PPP1R12A: variants seen among roughly 807,000 people sequenced by gnomAD.
The protein encoded by PPP1R12A is protein phosphatase 1 regulatory subunit 12A.
Under a neutral mutation model 139.6 loss-of-function variants are expected in PPP1R12A, and 19 were observed. The ratio of observed to expected loss-of-function variants is 0.14; its 90% CI spans 0.09 to 0.20. The LOEUF (loss-of-function observed/expected upper bound fraction) is 0.20. PPP1R12A is among the 10% of genes least tolerant of loss of function. The probability of loss-of-function intolerance (pLI) is 1.00; values close to 1 mark genes in which losing one functional copy is unlikely to be tolerated. For synonymous variants in PPP1R12A, 427 were observed against 420.6 expected (o/e 1.02, Z -0.19); for missense variants, 925 against 1,211.5 (o/e 0.76, Z 3.51).
chr12:79,857,193 C>A (rs1375156543), intron 2 of PPP1R12A, among the ~76,000 whole-genome samples: 3 of 151,994 alleles, frequency 2.0e-5, no homozygotes, highest in Non-Finnish European at 2.9e-5. Context: ...AAATGTCCAA[C>A]AATGATAGAC....
intron 1 of PPP1R12A, among the ~76,000 whole-genome samples, chr12:79,917,483 CAAAAAAAA>C (rs59586178): frequency 1.3e-5 from 1 of 78,912 alleles, no homozygotes. Flanking sequence ...GACTCTGTCT[CAAAAAAAA>C]AAAAAAAAAA....
At chr12:79,891,752 G>C (rs900117361) in intron 1 of PPP1R12A, among the ~76,000 whole-genome samples, 27 of 152,128 alleles carry the variant, frequency 1.8e-4, no homozygotes, top group African/African-American at 6.5e-4. Context: ...CTCCTCTCTT[G>C]CTCTCTCCTG....
At chr12:79,792,151 T>C (rs1174638076) in intron 19 of PPP1R12A, among the ~76,000 whole-genome samples, 1 of 152,158 alleles carries the variant, frequency 6.6e-6, no homozygotes. Context: ...TCTGGACACA[T>C]AATATCTATG....
chr12:79,792,177 T>A (rs1871958697), intron 19 of PPP1R12A, among the ~76,000 whole-genome samples: 1 of 152,190 alleles, frequency 6.6e-6, no homozygotes, highest in Non-Finnish European at 1.5e-5. Flanking sequence ...ATAGAAAATA[T>A]TGATCTATGC....
At chr12:79,925,735 G>C (rs1296945411) in intron 1 of PPP1R12A, among the ~76,000 whole-genome samples, 1 of 152,106 alleles carries the variant, frequency 6.6e-6, no homozygotes, top group African/African-American at 2.4e-5. Flanking sequence ...GAACTCAAGC[G>C]TGTCTTTTTA....
At chr12:79,897,145 A>G (rs1427097296) in intron 1 of PPP1R12A, among the ~76,000 whole-genome samples, 3 of 152,246 alleles carry the variant, frequency 2.0e-5, no homozygotes, top group Non-Finnish European at 4.4e-5. Context: ...GTGCCCATTA[A>G]TGATGGACTG....
chr12:79,857,512 G>A (rs557365425), intron 2 of PPP1R12A, among the ~76,000 whole-genome samples: 49 of 151,974 alleles, frequency 3.2e-4, no homozygotes, highest in African/African-American at 1.1e-3. Flanking sequence ...GTTAATGCAT[G>A]TATACATATG....
chr12:79,793,263 C>T (rs1872116557), intron 19 of PPP1R12A, among the ~76,000 whole-genome samples: 2 of 152,130 alleles, frequency 1.3e-5, no homozygotes, highest in Admixed American at 1.3e-4. Context: ...GCTGGCTGTG[C>T]AGCCTTGTCA....
At chr12:79,808,019 G>A (rs1012506817) in intron 11 of PPP1R12A, among the ~76,000 whole-genome samples, 1 of 151,460 alleles carries the variant, frequency 6.6e-6, no homozygotes, top group Admixed American at 6.6e-5. Flanking sequence ...GTGGGTGACA[G>A]AGCGAGACTC....
At chr12:79,799,540 G>GT (rs1164261585) in intron 14 of PPP1R12A, among the ~76,000 whole-genome samples, 5 of 151,988 alleles carry the variant, frequency 3.3e-5, no homozygotes, top group Admixed American at 6.6e-5. Context: ...AAATTCCAGT[G>GT]TTTTTTTATA....
At chr12:79,823,456 C>T (rs1427648558) in intron 5 of PPP1R12A, among the ~76,000 whole-genome samples, 2 of 152,138 alleles carry the variant, frequency 1.3e-5, no homozygotes, top group Non-Finnish European at 2.9e-5. Context: ...TCTATACCAA[C>T]ATCAGGATGT....
chr12:79,890,229 C>A (rs1268197301), intron 1 of PPP1R12A, among the ~76,000 whole-genome samples: 2 of 151,984 alleles, frequency 1.3e-5, no homozygotes, highest in Admixed American at 1.3e-4. Flanking sequence ...ACAAAATAAG[C>A]ACGGTTGAAA....
intron 1 of PPP1R12A, among the ~76,000 whole-genome samples, chr12:79,885,224 T>TTG (rs1332452783): frequency 6.6e-6 from 1 of 152,164 alleles, no homozygotes; most frequent in Non-Finnish European, 1.5e-5. Context: ...AACTCCCATC[T>TTG]TGTGTGCCAC....
chr12:79,887,429 A>G (rs1884207729), intron 1 of PPP1R12A, among the ~76,000 whole-genome samples: 2 of 152,152 alleles, frequency 1.3e-5, no homozygotes, highest in African/African-American at 4.8e-5. Context: ...TGTCCACAGG[A>G]TGCCCAATTA....
chr12:79,923,846 C>T (rs993660112), intron 1 of PPP1R12A, among the ~76,000 whole-genome samples: 1 of 151,916 alleles, frequency 6.6e-6, no homozygotes, highest in African/African-American at 2.4e-5. Flanking sequence ...AGTTTGAGAC[C>T]GGTCTGGCCA....
rs775028265 is a variant in PPP1R12A at position 79,775,955 on chromosome 12, T to G, written c.3067A>C (p.Arg1023=). ...RLKDENGALI[R]VISKLSK ...TATTTGGAAAGTTTGCTTATAACTCTGATCAAGGCCCCATTTTCATCCTTT... is the reference window on the plus strand; with the variant it reads ...TATTTGGAAAGTTTGCTTATAACTCGGATCAAGGCCCCATTTTCATCCTTT... Residue 1023 remains arginine, a synonymous_variant, in exon 25 of 25, where the codon AGA becomes CGA. Transcript: ENST00000450142. 1 of 1,595,082 alleles carries G rather than the reference T, an allele frequency of 6.3e-7. No individual in the cohort carries two copies. Among genetic ancestry groups the G allele is most frequent in the East Asian group, 2.3e-5 (1 of 44,438 alleles).
intron 17 of PPP1R12A, among the ~76,000 whole-genome samples, chr12:79,796,049 A>G (rs1872472710): frequency 6.6e-6 from 1 of 152,176 alleles, no homozygotes; most frequent in South Asian, 2.1e-4. Flanking sequence ...GGCCTCACAC[A>G]TAGAAGTTTA....
intron 1 of PPP1R12A, among the ~76,000 whole-genome samples, chr12:79,933,141 C>T (rs1888374696): frequency 6.6e-6 from 1 of 152,140 alleles, no homozygotes; most frequent in Admixed American, 6.5e-5. Flanking sequence ...AAAAAGTTTG[C>T]TATGCATTAG....
At chr12:79,793,260 G>A (rs998596792) in intron 19 of PPP1R12A, among the ~76,000 whole-genome samples, 3 of 152,102 alleles carry the variant, frequency 2.0e-5, no homozygotes, top group Non-Finnish European at 2.9e-5. Context: ...CTTGCTGGCT[G>A]TGCAGCCTTG....
Sources: allele counts gnomAD v4.1 joint callset (sites outside exome capture counted in the v4.1 genomes callset), GRCh38; gene constraint gnomAD v4.1.1; transcripts MANE v1.5; gene names NCBI Gene and HGNC (gene_info 2026-07-23, HGNC 2026-07-21).